The following GLRA3 variants were observed in gnomAD, a reference collection of about 807,000 sequenced individuals.
GLRA3 encodes the protein glycine receptor subunit alpha-3.
Under a neutral mutation model 60.4 loss-of-function variants are expected in GLRA3, and 44 were observed. That is an observed-to-expected ratio of 0.73 (90% CI 0.57 to 0.94). GLRA3 has a LOEUF of 0.94. Ranked by LOEUF, GLRA3 falls within the 40% of genes least tolerant of loss-of-function variation. The pLI, the probability that GLRA3 is intolerant of heterozygous loss-of-function variation, is 0.00. For missense variants in GLRA3, 508 were observed against 564.6 expected (o/e 0.90, Z 1.02); for synonymous variants, 223 against 192.9 (o/e 1.16, Z -1.29).
chr4:174,790,390 T>TAA (rs369596370), intron 1 of GLRA3, among the ~76,000 whole-genome samples: 13,150 of 151,680 alleles, frequency 0.087, 932 homozygotes, highest in East Asian at 0.4. Context: ...TATATTTTTT[T>TAA]AAAAAAACCT....
chr4:174,820,196 A>G lies in GLRA3; in HGVS notation c.71+8545T>C, dbSNP rs139735419. On this transcript the variant is annotated intron_variant, in intron 1 of 9. Transcript: ENST00000274093. ...ACATTTTTCCCTGAAAAGGAGAGAT[A>G]AGGGGCAAGTGGAAAATATATTACC... 6.3e-3 allele frequency among the ~76,000 whole-genome samples: 952 copies of G among 152,300 alleles called. 10 individuals carry two copies. The highest frequency in any genetic ancestry group is 9.9e-3 in the Non-Finnish European group (675 of 68,020).
chr4:174,811,384 A>C (rs979062339), intron 1 of GLRA3, among the ~76,000 whole-genome samples: 1 of 152,128 alleles, frequency 6.6e-6, no homozygotes, highest in Non-Finnish European at 1.5e-5. Flanking sequence ...CAGAGTCACA[A>C]GAGTAATTAT....
chr4:174,679,182 T>A (rs1401025574), intron 6 of GLRA3, among the ~76,000 whole-genome samples: 1 of 151,818 alleles, frequency 6.6e-6, no homozygotes, highest in Non-Finnish European at 1.5e-5. Flanking sequence ...ATACAAAAAA[T>A]TAGCCAGTCG....
intron 1 of GLRA3, among the ~76,000 whole-genome samples, chr4:174,798,681 T>G (rs1025748673): frequency 6.6e-6 from 1 of 152,168 alleles, no homozygotes; most frequent in Non-Finnish European, 1.5e-5. Context: ...TCCCAGCACT[T>G]TGGGAGGCCA....
At chr4:174,776,921 C>T (rs999324547) in intron 2 of GLRA3, among the ~76,000 whole-genome samples, 2 of 151,956 alleles carry the variant, frequency 1.3e-5, no homozygotes, top group Admixed American at 1.3e-4. Context: ...TTAAAATCTC[C>T]CTAAACATTC....
At chr4:174,793,448 A>T (rs1389620366) in intron 1 of GLRA3, among the ~76,000 whole-genome samples, 1 of 149,980 alleles carries the variant, frequency 6.7e-6, no homozygotes, top group Non-Finnish European at 1.5e-5. Flanking sequence ...TTATTTATTT[A>T]TTTATTTATT....
At chr4:174,803,978 T>C (rs1739925649) in intron 1 of GLRA3, among the ~76,000 whole-genome samples, 1 of 152,212 alleles carries the variant, frequency 6.6e-6, no homozygotes, top group Non-Finnish European at 1.5e-5. Context: ...TTTCCTTAAA[T>C]AATTTCTCAT....
intron 3 of GLRA3, among the ~76,000 whole-genome samples, chr4:174,741,992 A>T (rs1414283590): frequency 6.6e-6 from 1 of 152,186 alleles, no homozygotes; most frequent in Non-Finnish European, 1.5e-5. Context: ...AGACACACAG[A>T]ATAATTGGCA....
Position 174,677,192 on chromosome 4 carries a change from G to A in GLRA3, c.813C>T (p.Ser271=). The change falls in exon 7 of 10, where the codon TCC becomes TCT. Residue 271 remains serine, a synonymous_variant. Transcript: ENST00000274093. ...CCATGTTGATCCAGAATGAAACCCA[G>A]GATAGAATAACAATCAGGAGACTGG... ...YIPSLLIVIL[S]WVSFWINMDA... The A allele has an allele frequency of 6.2e-7, 1 of 1,611,980 alleles. No individual in the cohort carries two copies. The highest frequency in any genetic ancestry group is 8.5e-7 in the Non-Finnish European group (1 of 1,178,150).
intron 5 of GLRA3, chr4:174,712,473 C>T (rs1313798314): frequency 1.3e-5 from 2 of 152,066 alleles, no homozygotes; most frequent in Middle Eastern, 3.4e-3. Context: ...TCAATTGATG[C>T]CTAAATGAAA....
chr4:174,674,597 T>C (rs1294064927), intron 7 of GLRA3, among the ~76,000 whole-genome samples: 1 of 152,168 alleles, frequency 6.6e-6, no homozygotes, highest in South Asian at 2.1e-4. Flanking sequence ...CTGAGCTCTT[T>C]CTTATCTTAC....
intron 4 of GLRA3, among the ~76,000 whole-genome samples, chr4:174,725,745 G>A (rs983617308): frequency 1.3e-5 from 2 of 152,108 alleles, no homozygotes; most frequent in Admixed American, 1.3e-4. Flanking sequence ...GCCTCCCAAA[G>A]TGCTGAGATT....
At position 174,637,582 on chromosome 4, in the gene GLRA3, G is replaced by A. The variant is rs1055153940; in HGVS notation, c.*6204C>T. 8 of 152,176 alleles carry A rather than the reference G, an allele frequency of 5.3e-5. No individual in the cohort carries two copies. Among genetic ancestry groups the A allele is most frequent in the Non-Finnish European group, 1.2e-4 (8 of 68,036 alleles). 9.4% of individuals were successfully genotyped at this position (152,176 alleles called of 1,614,324 possible). A position where few individuals can be genotyped will look rare whatever the true frequency, so the allele number is the denominator to read the frequency against. On this transcript the variant is annotated 3_prime_UTR_variant, in exon 10 of 10. Transcript: ENST00000274093. ...CAGGCTGGATACTGTGTATGTGAGCGGGGTTGCCCAAAGGCGCCATTGCTA... is the reference window on the plus strand; with the variant it reads ...CAGGCTGGATACTGTGTATGTGAGCAGGGTTGCCCAAAGGCGCCATTGCTA...
At chr4:174,759,869 A>G (rs1017476535) in intron 3 of GLRA3, among the ~76,000 whole-genome samples, 2 of 152,186 alleles carry the variant, frequency 1.3e-5, no homozygotes, top group Admixed American at 6.5e-5. Flanking sequence ...CAAAACTCCA[A>G]GGGGACTAAA....
chr4:174,825,190 T>A (rs1019677200), intron 1 of GLRA3, among the ~76,000 whole-genome samples: 2 of 152,038 alleles, frequency 1.3e-5, no homozygotes, highest in African/African-American at 4.8e-5. Flanking sequence ...CTATACAGAA[T>A]CTTGCTACAC....
chr4:174,792,706 G>A (rs1366902559), intron 1 of GLRA3, among the ~76,000 whole-genome samples: 1 of 152,172 alleles, frequency 6.6e-6, no homozygotes, highest in African/African-American at 2.4e-5. Flanking sequence ...GACTCTAAAT[G>A]TTTTAAACAA....
chr4:174,768,612 G>C (rs889267792), intron 2 of GLRA3, among the ~76,000 whole-genome samples: 1 of 152,110 alleles, frequency 6.6e-6, no homozygotes, highest in African/African-American at 2.4e-5. Flanking sequence ...ATTGTTGTAA[G>C]TTTCTTGCTG....
chr4:174,716,972 G>GA lies in GLRA3; in HGVS notation c.492-1403dup, dbSNP rs1452219619. 2.6e-5 allele frequency among the ~76,000 whole-genome samples: 4 copies of GA among 152,074 alleles called. No individual in the cohort carries two copies. In the East Asian group the frequency reaches 7.7e-4, roughly 29 times the overall value. ...TTCCAGCGCTTTGGGAGGCTAAGAA[G>GA]AGAGGATCGCTTGAGCCCAGTAGTT... On this transcript the variant is annotated intron_variant, in intron 4 of 9. Transcript: ENST00000274093.
intron 5 of GLRA3, among the ~76,000 whole-genome samples, chr4:174,699,075 GC>G (rs1473893371): frequency 6.7e-6 from 1 of 150,180 alleles, no homozygotes; most frequent in Non-Finnish European, 1.5e-5. Context: ...TCAGCTTACT[GC>G]AACCTCCACT....
Sources: gnomAD v4.1 joint callset for allele counts (sites outside exome capture counted in the v4.1 genomes callset) on GRCh38, gnomAD v4.1.1 for gene constraint, MANE v1.5 for transcripts, NCBI Gene and HGNC (gene_info 2026-07-23, HGNC 2026-07-21) for gene names.